SHISA6: variants seen among roughly 807,000 people sequenced by gnomAD.
The protein encoded by SHISA6 is protein shisa-6.
SHISA6 carries 22 observed loss-of-function variants against 47.9 expected under a neutral mutation model. The ratio of observed to expected loss-of-function variants is 0.46; its 90% CI spans 0.33 to 0.66. The LOEUF is 0.66. Ranked by LOEUF, SHISA6 falls within the 30% of genes least tolerant of loss-of-function variation. The pLI, the probability that SHISA6 is intolerant of heterozygous loss-of-function variation, is 0.02. For missense variants in SHISA6, 680 were observed against 764.6 expected (o/e 0.89, Z 1.30); for synonymous variants, 388 against 337.8 (o/e 1.15, Z -1.63).
chr17:11,246,003 C>T (rs905983143), intron 1 of SHISA6, among the ~76,000 whole-genome samples: 2 of 152,168 alleles, frequency 1.3e-5, no homozygotes, highest in Non-Finnish European at 2.9e-5. Flanking sequence ...GAGTTCTCTT[C>T]CTAGGCTCCT....
chr17:11,403,004 C>T (rs1175315367), intron 3 of SHISA6, among the ~76,000 whole-genome samples: 1 of 152,158 alleles, frequency 6.6e-6, no homozygotes, highest in African/African-American at 2.4e-5. Flanking sequence ...GACCTTGGTA[C>T]CCTGAAGCAC....
intron 3 of SHISA6, among the ~76,000 whole-genome samples, chr17:11,413,826 G>T (rs967119654): frequency 1.3e-5 from 2 of 152,140 alleles, no homozygotes; most frequent in Non-Finnish European, 2.9e-5. Context: ...CACGTAGCCA[G>T]CTCAGCTTTT....
chr17:11,425,200 A>G (rs1427992642), intron 3 of SHISA6, among the ~76,000 whole-genome samples: 1 of 151,920 alleles, frequency 6.6e-6, no homozygotes, highest in Non-Finnish European at 1.5e-5. Context: ...GAGAAGGACA[A>G]AAGAGGTAAC....
At chr17:11,298,004 G>A (rs1040674705) in intron 2 of SHISA6, among the ~76,000 whole-genome samples, 3 of 152,218 alleles carry the variant, frequency 2.0e-5, no homozygotes, top group African/African-American at 7.2e-5. Context: ...AGGATGGAAA[G>A]CCAAAGAGTT....
intron 2 of SHISA6, among the ~76,000 whole-genome samples, chr17:11,356,581 AGTCACACTCCATCT>A (rs1264700904): frequency 1.3e-5 from 2 of 152,056 alleles, no homozygotes; most frequent in Non-Finnish European, 2.9e-5. Flanking sequence ...GCTGTGGAGG[AGTCACACTCCATCT>A]GCTTGGCCTC....
At position 11,335,595 on chromosome 17, in the gene SHISA6, G is replaced by A. The variant is rs188129804; in HGVS notation, c.800-43819G>A. ...GAATCCATGGATCTCTTTTTCCTTG[G>A]CTCCTCAAGCCCCATGAAAAGGGCT... On this transcript the variant is annotated intron_variant, in intron 2 of 5. Coordinates refer to ENST00000441885, the MANE Select transcript of SHISA6 (RefSeq NM_207386.4). 2.0e-5 allele frequency among the ~76,000 whole-genome samples: 3 copies of A among 152,022 alleles called. No homozygotes were observed. In the East Asian group the frequency reaches 5.8e-4, roughly 29 times the overall value.
At chr17:11,349,017 A>G (rs1911787165) in intron 2 of SHISA6, among the ~76,000 whole-genome samples, 1 of 152,180 alleles carries the variant, frequency 6.6e-6, no homozygotes. Context: ...GGGATTCATA[A>G]AAAAGGAGCT....
At chr17:11,379,034 C>T (rs1418609175) in intron 2 of SHISA6, among the ~76,000 whole-genome samples, 5 of 151,448 alleles carry the variant, frequency 3.3e-5, no homozygotes, top group Non-Finnish European at 5.9e-5. Context: ...CGTTTGTTCT[C>T]CTATACTTTC....
chr17:11,538,606 G>A (rs1416092112), intron 3 of SHISA6, among the ~76,000 whole-genome samples: 1 of 152,166 alleles, frequency 6.6e-6, no homozygotes, highest in African/African-American at 2.4e-5. Flanking sequence ...CCAGTTTCCA[G>A]CAGTCACCTA....
At chr17:11,509,407 T>C (rs896468087) in intron 3 of SHISA6, among the ~76,000 whole-genome samples, 1 of 152,228 alleles carries the variant, frequency 6.6e-6, no homozygotes, top group Non-Finnish European at 1.5e-5. Flanking sequence ...ATTATTTCAT[T>C]TGAGGCTCAG....
intron 2 of SHISA6, among the ~76,000 whole-genome samples, chr17:11,345,367 CTA>C (rs1406987729): frequency 3.3e-5 from 5 of 152,098 alleles, no homozygotes; most frequent in African/African-American, 1.2e-4. Flanking sequence ...CTTTGCTACA[CTA>C]TCTTATTTAA....
chr17:11,543,396 T>C (rs763888592), intron 3 of SHISA6, among the ~76,000 whole-genome samples: 2 of 152,136 alleles, frequency 1.3e-5, no homozygotes, highest in African/African-American at 2.4e-5. Flanking sequence ...GAGACACATA[T>C]GCAATCCCTA....
chr17:11,272,790 G>T, intron 2 of SHISA6, among the ~76,000 whole-genome samples: 1 of 152,208 alleles, frequency 6.6e-6, no homozygotes, highest in East Asian at 1.9e-4. Flanking sequence ...GGAACAGTAG[G>T]TCATATGGCA....
At chr17:11,453,692 G>C (rs1406092840) in intron 3 of SHISA6, among the ~76,000 whole-genome samples, 4 of 152,024 alleles carry the variant, frequency 2.6e-5, no homozygotes, top group Non-Finnish European at 5.9e-5. Context: ...TTAGCTTTTG[G>C]TGGGAACGTT....
At chr17:11,407,778 C>A (rs1377125553) in intron 3 of SHISA6, among the ~76,000 whole-genome samples, 1 of 152,066 alleles carries the variant, frequency 6.6e-6, no homozygotes, top group Non-Finnish European at 1.5e-5. Flanking sequence ...CTACCAGAAA[C>A]CTAAGATCCC....
intron 3 of SHISA6, among the ~76,000 whole-genome samples, chr17:11,438,508 A>G (rs1033263781): frequency 2.6e-5 from 4 of 152,118 alleles, no homozygotes; most frequent in African/African-American, 9.7e-5. Context: ...CCTTCTTGCT[A>G]TGTGCTCCCC....
intron 3 of SHISA6, among the ~76,000 whole-genome samples, chr17:11,452,334 C>A (rs1009467855): frequency 1.3e-5 from 2 of 152,178 alleles, no homozygotes; most frequent in Non-Finnish European, 2.9e-5. Flanking sequence ...ACCTTTGTCC[C>A]CCATGTGCTC....
chr17:11,353,420 G>A (rs1040313029), intron 2 of SHISA6, among the ~76,000 whole-genome samples: 3 of 149,508 alleles, frequency 2.0e-5, no homozygotes, highest in Non-Finnish European at 3.0e-5. Context: ...TCACGCCACC[G>A]CACTCCAGCC....
rs963316994 is a variant in SHISA6, at chr17:11,415,784, G to A, written c.895+36275G>A. Among the ~76,000 whole-genome samples, 3 of 152,116 alleles carry A rather than the reference G, an allele frequency of 2.0e-5. No homozygotes were observed. In the East Asian group the frequency reaches 5.8e-4, roughly 29 times the overall value. On this transcript the variant is annotated intron_variant, in intron 3 of 5. Transcript: ENST00000441885. The stretch of plus-strand genomic sequence containing the variant: ...ATAGGATTTTGGTATTATCTAACAG[G>A]TTAGTGTTTTCCAAACTGTATTTCC...
Sources: gnomAD v4.1 joint callset for allele counts (sites outside exome capture counted in the v4.1 genomes callset) on GRCh38, gnomAD v4.1.1 for gene constraint, MANE v1.5 for transcripts, NCBI Gene and HGNC (gene_info 2026-07-23, HGNC 2026-07-21) for gene names.